MYO9B: variants seen among roughly 807,000 people sequenced by gnomAD.
MYO9B encodes unconventional myosin-IXb.
In MYO9B, 71 loss-of-function variants were observed where a neutral mutation model predicts 229.5. That is an observed-to-expected ratio of 0.31 (90% CI 0.26 to 0.38). MYO9B has a LOEUF of 0.38. Among genes scored for constraint, MYO9B ranks in the 10% least tolerant of loss-of-function variants. The pLI is 1.00. For missense variants in MYO9B, 2,255 were observed against 2,920.5 expected, an observed-to-expected ratio of 0.77 and a Z score of 5.25; for synonymous variants, 1,185 against 1,235.8, an observed-to-expected ratio of 0.96 and a Z score of 0.86.
intron 2 of MYO9B, among the ~76,000 whole-genome samples, chr19:17,123,424 T>TTGTG (rs3222984): frequency 0.049 from 7,221 of 146,844 alleles, 252 homozygotes; most frequent in African/African-American, 0.098. Context: ...CAGTAGAAAT[T>TTGTG]TGTGTGTGTG....
rs922027666 is a variant in MYO9B at position 17,110,181 on chromosome 19, C to T, written c.840+7624C>T. Among the ~76,000 whole-genome samples the T allele has an allele frequency of 1.3e-5, 2 of 152,204 alleles. 1 individual carries two copies. On this transcript the variant is annotated intron_variant, in intron 2 of 39. Transcript: ENST00000682292. ...GTGTCGCTGGATGCACCCCCTGACC[C>T]CCGCCCCCCGCGAGGGTTGCAGCCT...
intron 31 of MYO9B, 63 bp from the exon 32 acceptor site, chr19:17,205,897 C>A (rs764840446): frequency 2.0e-6 from 3 of 1,477,078 alleles, no homozygotes; most frequent in Non-Finnish European, 2.7e-6. Flanking sequence ...GCAGAGGCCC[C>A]CAGAGACAGC....
intron 11 of MYO9B, among the ~76,000 whole-genome samples, chr19:17,170,831 T>TAAAAAAAAAAA (rs548201494): frequency 1.7e-5 from 2 of 120,864 alleles, no homozygotes; most frequent in Admixed American, 8.7e-5. Flanking sequence ...CTCTAAAAAT[T>TAAAAAAAAAAA]AAAAAAAAAA....
At chr19:17,202,933 G>T in intron 29 of MYO9B, 50 bp downstream of exon 29, 2 of 1,571,846 alleles carry the variant, frequency 1.3e-6, no homozygotes, top group African/African-American at 1.4e-5. Context: ...ACATTGGCAG[G>T]AGCATGCACG....
Position 17,202,448 on chromosome 19 carries a change from C to T in MYO9B, c.4836+145C>T, listed in dbSNP as rs2073117916. 4.8e-6 allele frequency: 4 copies of T among 835,012 alleles called. No individual in the cohort carries two copies. In the African/African-American group the frequency reaches 6.9e-5, roughly 14 times the overall value. 51.7% of individuals were successfully genotyped at this position (835,012 alleles called of 1,614,324 possible). ...CCATACCACAGCCACTGTGCCATGACTTGATCCACTTATGCCATGCTTACC... is the reference window on the plus strand; with the variant it reads ...CCATACCACAGCCACTGTGCCATGATTTGATCCACTTATGCCATGCTTACC... On this transcript the variant is annotated intron_variant, in intron 28 of 39. Coordinates refer to ENST00000682292, the MANE Select transcript of MYO9B (RefSeq NM_004145.4).
At chr19:17,184,189 T>C (rs1373206551) in intron 16 of MYO9B, among the ~76,000 whole-genome samples, 1 of 152,168 alleles carries the variant, frequency 6.6e-6, no homozygotes. Context: ...CCTGGTCCCA[T>C]GGGGAGCTCT....
At position 17,106,932 on chromosome 19, in the gene MYO9B, G is replaced by A. The variant is rs570260487; in HGVS notation, c.840+4375G>A. ...ACAAAAATTAGCCAGGTGTGGTGGC[G>A]AGCGCCTATAATCCCAGGTACTTCG... On this transcript the variant is annotated intron_variant, in intron 2 of 39. Transcript: ENST00000682292. 1.7e-3 allele frequency among the ~76,000 whole-genome samples: 252 copies of A among 152,272 alleles called. 1 individual carries two copies. In the Middle Eastern group the frequency reaches 0.017, roughly 10 times the overall value.
At chr19:17,132,525 ATTTTT>A (rs35184435) in intron 2 of MYO9B, among the ~76,000 whole-genome samples, 7 of 116,366 alleles carry the variant, frequency 6.0e-5, no homozygotes, top group Non-Finnish European at 8.6e-5. Flanking sequence ...TATTATTATT[ATTTTT>A]TTTTTTTTTT....
intron 8 of MYO9B, among the ~76,000 whole-genome samples, chr19:17,159,796 A>G (rs552740475): frequency 6.6e-6 from 1 of 152,234 alleles, no homozygotes; most frequent in Non-Finnish European, 1.5e-5. Flanking sequence ...ATAAAGTTTT[A>G]TTGGCACATG....
At chr19:17,117,747 G>A (rs1430226299) in intron 2 of MYO9B, among the ~76,000 whole-genome samples, 3 of 151,956 alleles carry the variant, frequency 2.0e-5, no homozygotes, top group Non-Finnish European at 4.4e-5. Flanking sequence ...AGACCAGCCT[G>A]GCCAACATGG....
intron 2 of MYO9B, among the ~76,000 whole-genome samples, chr19:17,138,219 A>G (rs2072295113): frequency 6.6e-6 from 1 of 152,104 alleles, no homozygotes. Context: ...GTCCCTGCAA[A>G]GGACATGAAC....
intron 1 of MYO9B, among the ~76,000 whole-genome samples, chr19:17,076,805 G>T (rs192744157): frequency 6.6e-6 from 1 of 152,208 alleles, no homozygotes; most frequent in African/African-American, 2.4e-5. Context: ...GAGGGAGTGT[G>T]CATGCACCCT....
intron 2 of MYO9B, among the ~76,000 whole-genome samples, chr19:17,120,005 A>G (rs1298388729): frequency 6.6e-6 from 1 of 152,164 alleles, no homozygotes; most frequent in East Asian, 1.9e-4. Flanking sequence ...TGCTACGAAA[A>G]ATACAAAAAT....
intron 15 of MYO9B, among the ~76,000 whole-genome samples, chr19:17,182,867 G>C (rs1231777732): frequency 6.6e-6 from 1 of 152,096 alleles, no homozygotes. Context: ...TCCATAAGGT[G>C]TCTGAGAACA....
At chr19:17,111,650 TG>T (rs2057849104) in intron 2 of MYO9B, among the ~76,000 whole-genome samples, 2 of 152,164 alleles carry the variant, frequency 1.3e-5, no homozygotes, top group Non-Finnish European at 2.9e-5. Flanking sequence ...CTCCAACTCC[TG>T]GCCTCAGGCA....
At chr19:17,108,433 A>T (rs2057814235) in intron 2 of MYO9B, among the ~76,000 whole-genome samples, 1 of 152,124 alleles carries the variant, frequency 6.6e-6, no homozygotes, top group Non-Finnish European at 1.5e-5. Context: ...CATCCTGTGC[A>T]TTGAAGGACA....
chr19:17,165,307 G>A (rs554283841), intron 10 of MYO9B, among the ~76,000 whole-genome samples: 42 of 151,514 alleles, frequency 2.8e-4, no homozygotes, highest in African/African-American at 9.5e-4. Context: ...GCTGCAATGA[G>A]CTACAGTTGT....
At chr19:17,176,312 A>G (rs1279676336) in intron 14 of MYO9B, among the ~76,000 whole-genome samples, 1 of 152,078 alleles carries the variant, frequency 6.6e-6, no homozygotes, top group Non-Finnish European at 1.5e-5. Flanking sequence ...CTGGGATTAC[A>G]GGCGTGAGCC....
intron 11 of MYO9B, among the ~76,000 whole-genome samples, chr19:17,168,348 T>C (rs919623106): frequency 1.3e-5 from 2 of 152,122 alleles, no homozygotes; most frequent in African/African-American, 4.8e-5. Context: ...TATTTCTTTG[T>C]AGCAACAGGG....
Sources: allele counts gnomAD v4.1 joint callset (sites outside exome capture counted in the v4.1 genomes callset), GRCh38; gene constraint gnomAD v4.1.1; transcripts MANE v1.5; gene names NCBI Gene and HGNC (gene_info 2026-07-23, HGNC 2026-07-21).